The following TRPM3 variants were observed in gnomAD, a reference collection of about 807,000 sequenced individuals.
The protein encoded by TRPM3 is transient receptor potential cation channel subfamily M member 3.
A neutral mutation model predicts 181.2 loss-of-function variants in TRPM3; 77 were observed. The ratio of observed to expected loss-of-function variants is 0.42; its 90% CI spans 0.35 to 0.51. The LOEUF (loss-of-function observed/expected upper bound fraction) is 0.51, where lower values mean the gene tolerates loss of function less well. TRPM3 is among the 20% of genes least tolerant of loss of function. TRPM3 has a pLI of 0.01. For missense variants in TRPM3, 1,759 were observed against 2,196.7 expected, an observed-to-expected ratio of 0.80 and a Z score of 3.98; for synonymous variants, 745 against 796.4, an observed-to-expected ratio of 0.94 and a Z score of 1.09.
At chr9:70,920,498 C>G (rs1002456279) in intron 1 of TRPM3, among the ~76,000 whole-genome samples, 13 of 152,326 alleles carry the variant, frequency 8.5e-5, no homozygotes, top group African/African-American at 3.1e-4. Flanking sequence ...TACCAAACTT[C>G]TAATCAGAAC....
At chr9:70,787,499 T>A (rs928177685) in intron 6 of TRPM3, among the ~76,000 whole-genome samples, 1 of 152,164 alleles carries the variant, frequency 6.6e-6, no homozygotes, top group Non-Finnish European at 1.5e-5. Context: ...TCATGCTTAT[T>A]GTAAGTTAAC....
chr9:70,909,236 G>A (rs2096509221), intron 1 of TRPM3, among the ~76,000 whole-genome samples: 1 of 152,180 alleles, frequency 6.6e-6, no homozygotes, highest in Admixed American at 6.5e-5. Context: ...TATCCTGAGG[G>A]CAGGGAAGAA....
chr9:71,189,615 C>T (rs1460261702), intron 1 of TRPM3, among the ~76,000 whole-genome samples: 2 of 151,758 alleles, frequency 1.3e-5, no homozygotes, highest in South Asian at 2.1e-4. Flanking sequence ...TTTTACTTGT[C>T]ACCAAGCTAC....
chr9:71,103,836 C>T (rs1554826292), intron 1 of TRPM3, among the ~76,000 whole-genome samples: 3 of 152,068 alleles, frequency 2.0e-5, no homozygotes, highest in Non-Finnish European at 4.4e-5. Context: ...CAGACTATGC[C>T]CTCTTTCTGA....
rs79484962 is a variant in TRPM3 at position 70,892,651 on chromosome 9, G to A, written c.178-28140C>T. Reference sequence around the variant, plus strand: ...AACTAGCCAATCTGCAAGCATTTATGAGAATCTATCACATTCATGGATGGT... The same window carrying A: ...AACTAGCCAATCTGCAAGCATTTATAAGAATCTATCACATTCATGGATGGT... On this transcript the variant is annotated intron_variant, in intron 1 of 25. Coordinates refer to ENST00000677713, the MANE Select transcript of TRPM3 (RefSeq NM_001366145.2). 5.6e-3 allele frequency among the ~76,000 whole-genome samples: 838 copies of A among 148,402 alleles called. 9 individuals carry two copies. The highest frequency in any genetic ancestry group is 0.02 in the African/African-American group (789 of 40,458).
At chr9:70,947,468 T>G (rs774413865) in intron 1 of TRPM3, among the ~76,000 whole-genome samples, 17 of 152,136 alleles carry the variant, frequency 1.1e-4, no homozygotes, top group Admixed American at 6.5e-5. Flanking sequence ...ACTATTTTTA[T>G]TTTGTATTCA....
intron 8 of TRPM3, among the ~76,000 whole-genome samples, chr9:70,691,129 C>A (rs2068417178): frequency 6.6e-6 from 1 of 152,076 alleles, no homozygotes; most frequent in African/African-American, 2.4e-5. Context: ...AAATTAATAT[C>A]AGATAAGTTC....
At chr9:70,788,305 C>G (rs1413103257) in intron 6 of TRPM3, among the ~76,000 whole-genome samples, 1 of 151,794 alleles carries the variant, frequency 6.6e-6, no homozygotes, top group Non-Finnish European at 1.5e-5. Context: ...TTAATGGACC[C>G]TTGCAAAACC....
chr9:71,188,904 A>T (rs2077843978), intron 1 of TRPM3, among the ~76,000 whole-genome samples: 1 of 152,008 alleles, frequency 6.6e-6, no homozygotes, highest in Non-Finnish European at 1.5e-5. Flanking sequence ...CATATATAGT[A>T]AATGTGTAAA....
At chr9:70,665,667 A>G (rs1320647586) in intron 9 of TRPM3, among the ~76,000 whole-genome samples, 1 of 152,210 alleles carries the variant, frequency 6.6e-6, no homozygotes, top group Non-Finnish European at 1.5e-5. Flanking sequence ...AAACTGAGGG[A>G]GTAAAAGAAA....
intron 1 of TRPM3, among the ~76,000 whole-genome samples, chr9:71,431,866 AG>A (rs2093959224): frequency 6.6e-6 from 1 of 152,216 alleles, no homozygotes; most frequent in African/African-American, 2.4e-5. Flanking sequence ...CTCTCTGTCC[AG>A]GATATGAAAC....
intron 10 of TRPM3, among the ~76,000 whole-genome samples, chr9:70,639,734 T>C (rs889804530): frequency 1.4e-5 from 2 of 146,974 alleles, no homozygotes; most frequent in African/African-American, 4.8e-5. Context: ...ACAACCAGCC[T>C]ACTTTCTGGA....
intron 1 of TRPM3, among the ~76,000 whole-genome samples, chr9:71,444,735 T>C (rs1205648889): frequency 6.6e-6 from 1 of 152,238 alleles, no homozygotes; most frequent in Non-Finnish European, 1.5e-5. Flanking sequence ...CACTTACAAA[T>C]GAAGTCAAAA....
chr9:71,222,223 A>G (rs1191246023), intron 1 of TRPM3, among the ~76,000 whole-genome samples: 1 of 152,236 alleles, frequency 6.6e-6, no homozygotes, highest in African/African-American at 2.4e-5. Flanking sequence ...TATGGCTGAT[A>G]ACAGTTTCAA....
chr9:70,834,433 C>T (rs952492295), intron 5 of TRPM3, among the ~76,000 whole-genome samples: 2 of 152,168 alleles, frequency 1.3e-5, no homozygotes, highest in African/African-American at 2.4e-5. Flanking sequence ...AAGACGGTTA[C>T]ATCCTTTAGA....
chr9:70,889,406 C>T (rs1055768675), intron 1 of TRPM3, among the ~76,000 whole-genome samples: 2 of 152,114 alleles, frequency 1.3e-5, no homozygotes, highest in African/African-American at 2.4e-5. Flanking sequence ...CATTGATGGG[C>T]GAGGTCCCCG....
At chr9:71,177,095 G>A (rs2077140863) in intron 1 of TRPM3, among the ~76,000 whole-genome samples, 1 of 152,006 alleles carries the variant, frequency 6.6e-6, no homozygotes, top group African/African-American at 2.4e-5. Flanking sequence ...ATTCTCACAG[G>A]AGCATGAACC....
chr9:70,746,345 G>A (rs1055218048), intron 8 of TRPM3, among the ~76,000 whole-genome samples: 1 of 152,126 alleles, frequency 6.6e-6, no homozygotes, highest in Non-Finnish European at 1.5e-5. Context: ...CTATTAAGGG[G>A]TAGGTAGATA....
intron 1 of TRPM3, among the ~76,000 whole-genome samples, chr9:71,017,476 A>G (rs1459371755): frequency 6.6e-6 from 1 of 151,924 alleles, no homozygotes; most frequent in Non-Finnish European, 1.5e-5. Context: ...ATTACAAGAA[A>G]TGCACAGTAA....
Sources: gnomAD v4.1 joint callset for allele counts (sites outside exome capture counted in the v4.1 genomes callset) on GRCh38, gnomAD v4.1.1 for gene constraint, MANE v1.5 for transcripts, NCBI Gene and HGNC (gene_info 2026-07-23, HGNC 2026-07-21) for gene names.